The following TMEM165 variants were observed in gnomAD, a reference collection of about 807,000 sequenced individuals.
TMEM165 encodes the protein transmembrane protein 165, also known as putative divalent cation/proton antiporter TMEM165.
Under a neutral mutation model 30.0 loss-of-function variants are expected in TMEM165, and 19 were observed. The observed-to-expected ratio is 0.63, with a 90% CI of 0.44 to 0.93. The LOEUF (loss-of-function observed/expected upper bound fraction) is 0.93. TMEM165 is among the 40% of genes least tolerant of loss of function. The pLI is 0.00. For synonymous variants in TMEM165, 168 were observed against 162.9 expected, an observed-to-expected ratio of 1.03 and a Z score of -0.24; for missense variants, 340 against 417.0, an observed-to-expected ratio of 0.82 and a Z score of 1.61.
At chr4:55,412,880 T>C (rs1186648451) in intron 2 of TMEM165, 3 of 152,126 alleles carry the variant, frequency 2.0e-5, no homozygotes, top group African/African-American at 7.2e-5. Flanking sequence ...GTTATAGTTA[T>C]TAGTACTCAA....
intron 3 of TMEM165, chr4:55,435,618 G>C: frequency 6.2e-7 from 1 of 1,612,224 alleles, no homozygotes; most frequent in East Asian, 2.2e-5. Flanking sequence ...GGATTATGCA[G>C]CATTGCTTTA....
At chr4:55,417,325 C>T (rs1721776782) in intron 3 of TMEM165, 78 bp downstream of exon 3, 3 of 1,421,270 alleles carry the variant, frequency 2.1e-6, no homozygotes, top group Non-Finnish European at 2.9e-6. Context: ...TTCTCAGTGG[C>T]CCCATCTGTG....
chr4:55,416,860 T>G (rs553064289), intron 2 of TMEM165: 1 of 412,250 alleles, frequency 2.4e-6, no homozygotes, highest in South Asian at 4.4e-5. Flanking sequence ...CATTGGCTTC[T>G]GAGTAAGCTG....
intron 1 of TMEM165, 64 bp from the exon 2 acceptor site, chr4:55,411,550 T>G (rs1010984550): frequency 6.0e-5 from 86 of 1,430,666 alleles, no homozygotes; most frequent in Non-Finnish European, 8.0e-5. Context: ...TAAATCTTAT[T>G]TACGTGCAAA....
rs1700363343 is a variant in TMEM165, at chr4:55,426,143, A to G, written c.*691A>G. 6.6e-6 allele frequency: 1 copy of G among 152,202 alleles called. No individual in the cohort carries two copies. Among genetic ancestry groups the G allele is most frequent in the Non-Finnish European group, 1.5e-5 (1 of 68,030 alleles). The allele number at this position is 152,202 out of a possible 1,614,324, so 9.4% of individuals were successfully genotyped here. On this transcript the variant is annotated 3_prime_UTR_variant, in exon 6 of 6. Transcript: ENST00000381334. ...ATATTGAATAAACAATGTAACATAG[A>G]TAACAATATAAATAAAAGTGGTATG...
Position 55,425,473 on chromosome 4 carries a change from A to G in TMEM165, c.*21A>G. The G allele has an allele frequency of 1.9e-6, 3 of 1,575,678 alleles. No individual in the cohort carries two copies. The highest frequency in any genetic ancestry group is 2.6e-6 in the Non-Finnish European group (3 of 1,146,530). ...TTTAACAAGCTGTTTGTTCATCTAT[A>G]TTTAGTTTAAAATAGGTAGTATTAT... On this transcript the variant is annotated 3_prime_UTR_variant, in exon 6 of 6. Transcript: ENST00000381334.
At chr4:55,408,304 G>A (rs78645781) in intron 1 of TMEM165, among the ~76,000 whole-genome samples, 5,129 of 152,086 alleles carry the variant, frequency 0.034, 104 homozygotes, top group Non-Finnish European at 0.054. Context: ...ATGTAGCATC[G>A]CTTAATGATG....
chr4:55,427,017 G>C (rs1034373563), downstream of TMEM165, among the ~76,000 whole-genome samples: 1 of 148,636 alleles, frequency 6.7e-6, no homozygotes, highest in Non-Finnish European at 1.5e-5. Flanking sequence ...TAAAGAAAGA[G>C]TGAGGAATTC....
chr4:55,435,440 T>C, intron 3 of TMEM165: 1 of 1,613,888 alleles, frequency 6.2e-7, no homozygotes, highest in Non-Finnish European at 8.5e-7. Context: ...CTTGGAAGGG[T>C]CGGGCAAGCT....
rs768369982 is a variant in TMEM165, at chr4:55,417,857, A to G, written c.664A>G (p.Ile222Val). ...GPGDVETGTS[I>V]TVPQKKWLHF... is the part of the protein sequence containing the mutation. Reference sequence around the variant, plus strand: ...GGGAGATGTTGAAACGGGTACAAGCATAACAGTACCTCAGAAAAAGTGGTT... The same window carrying G: ...GGGAGATGTTGAAACGGGTACAAGCGTAACAGTACCTCAGAAAAAGTGGTT... The change falls in exon 4 of 6, where the codon ATA becomes GTA. Residue 222 changes from isoleucine to valine, a missense_variant. This residue lies in a region of TMEM165 where 220 missense variants were observed against 307.6 expected (regional missense o/e 0.72). Coordinates refer to ENST00000381334, the MANE Select transcript of TMEM165 (RefSeq NM_018475.5). 6.2e-7 allele frequency: 1 copy of G among 1,614,066 alleles called. No homozygotes were observed. Among genetic ancestry groups the G allele is most frequent in the Non-Finnish European group, 8.5e-7 (1 of 1,179,994 alleles).
At chr4:55,427,697 CCAT>C (rs372457523), downstream of TMEM165, among the ~76,000 whole-genome samples, 73 of 152,270 alleles carry the variant, frequency 4.8e-4, no homozygotes, top group African/African-American at 1.6e-3. Context: ...GTAGCTGGCA[CCAT>C]CATCGTGTAA....
chr4:55,440,896 T>C (rs1723313183), intron 3 of TMEM165, among the ~76,000 whole-genome samples: 1 of 152,152 alleles, frequency 6.6e-6, no homozygotes, highest in South Asian at 2.1e-4. Context: ...GGCAAGTATC[T>C]CTGCCTTGGT....
At chr4:55,417,013 C>T in intron 2 of TMEM165, 59 bp from the exon 3 acceptor site, 2 of 1,415,712 alleles carry the variant, frequency 1.4e-6, no homozygotes, top group Non-Finnish European at 1.9e-6. Context: ...CCGAAGTTAA[C>T]TGTTCCCTTG....
intron 2 of TMEM165, chr4:55,415,596 T>G (rs1578239064): frequency 6.6e-6 from 1 of 152,190 alleles, no homozygotes; most frequent in Non-Finnish European, 1.5e-5. Context: ...AGCTAGAAAA[T>G]ATATGCTTGT....
chr4:55,414,443 CT>C (rs1217133581), intron 2 of TMEM165, among the ~76,000 whole-genome samples: 2 of 151,180 alleles, frequency 1.3e-5, no homozygotes, highest in African/African-American at 2.4e-5. Flanking sequence ...GATTTAACCA[CT>C]TTTTTTTTAT....
downstream of TMEM165, among the ~76,000 whole-genome samples, chr4:55,426,970 T>TAGAC (rs773891570): frequency 6.6e-6 from 1 of 152,154 alleles, no homozygotes; most frequent in Non-Finnish European, 1.5e-5. Flanking sequence ...ACTCTGTGGT[T>TAGAC]AGACAGTCTA....
chr4:55,439,652 T>C (rs11942279), intron 3 of TMEM165, among the ~76,000 whole-genome samples: 51,370 of 152,024 alleles, frequency 0.34, 9,379 homozygotes, highest in East Asian at 0.58. Context: ...CAAAACATAG[T>C]AGAGTAGAAT....
intron 3 of TMEM165, chr4:55,433,141 GAGA>G (rs983361635): frequency 1.3e-5 from 2 of 152,656 alleles, no homozygotes; most frequent in African/African-American, 4.8e-5. Flanking sequence ...TTTGAAAGGG[GAGA>G]AGAACAATGC....
intron 1 of TMEM165, among the ~76,000 whole-genome samples, chr4:55,403,752 G>C (rs1433577448): frequency 1.3e-5 from 2 of 152,090 alleles, no homozygotes; most frequent in Non-Finnish European, 2.9e-5. Context: ...ATTGCACACT[G>C]CATCTAATCC....
Sources: allele counts gnomAD v4.1 joint callset (sites outside exome capture counted in the v4.1 genomes callset), GRCh38; gene constraint gnomAD v4.1.1; regional missense constraint gnomAD v4.1.1; transcripts MANE v1.5; gene names NCBI Gene and HGNC (gene_info 2026-07-23, HGNC 2026-07-21).